DOCK3: variants seen among roughly 807,000 people sequenced by gnomAD.
DOCK3 encodes the protein dedicator of cytokinesis 3.
DOCK3 carries 60 observed loss-of-function variants against 265.6 expected under a neutral mutation model. That is an observed-to-expected ratio of 0.23 (90% CI 0.18 to 0.28). The LOEUF (loss-of-function observed/expected upper bound fraction) is 0.28, where lower values mean the gene tolerates loss of function less well. Among genes scored for constraint, DOCK3 ranks in the 10% least tolerant of loss-of-function variants. The pLI is 1.00. For synonymous variants in DOCK3, 881 were observed against 938.0 expected, an observed-to-expected ratio of 0.94 and a Z score of 1.11; for missense variants, 1,981 against 2,594.3, an observed-to-expected ratio of 0.76 and a Z score of 5.14.
rs1197702938 is a variant in DOCK3, at chr3:50,675,349, C to A, written c.37+49C>A. ...GTGGCGGGGGTTCTGGGGGACGCGCCCAGCTCCCGGCCCCGCCTGGATTCG... is the reference window on the plus strand; with the variant it reads ...GTGGCGGGGGTTCTGGGGGACGCGCACAGCTCCCGGCCCCGCCTGGATTCG... On this transcript the variant is annotated intron_variant, in intron 1 of 52. Coordinates refer to ENST00000266037, the MANE Select transcript of DOCK3 (RefSeq NM_004947.5). The surrounding 1 kb of genome is among the most constrained non-coding windows in gnomAD (Gnocchi z 6.1). 2 of 1,198,826 alleles carry A rather than the reference C, an allele frequency of 1.7e-6. No individual in the cohort carries two copies. The highest frequency in any genetic ancestry group is 4.5e-5 in the Admixed American group (1 of 22,190). The allele number at this position is 1,198,826 out of a possible 1,614,324, so 74.3% of individuals were successfully genotyped here.
At chr3:50,715,083 G>A (rs2037016725) in intron 1 of DOCK3, among the ~76,000 whole-genome samples, 3 of 152,222 alleles carry the variant, frequency 2.0e-5, no homozygotes, top group Non-Finnish European at 2.9e-5. Flanking sequence ...GACAGCATCT[G>A]GGTCTGTCTG....
rs2087972218 is a variant in DOCK3, at chr3:51,374,830, T to C, written c.5412+243T>C. Among the ~76,000 whole-genome samples, 1 of 152,220 alleles carries C rather than the reference T, an allele frequency of 6.6e-6. No homozygotes were observed. The highest frequency in any genetic ancestry group is 1.5e-5 in the Non-Finnish European group (1 of 68,028). Reference sequence around the variant, plus strand: ...CCACCATTGGAACCAGCATTGCTCATGTAGCTATCTGTCCTTCCCGCCAGA... The same window carrying C: ...CCACCATTGGAACCAGCATTGCTCACGTAGCTATCTGTCCTTCCCGCCAGA... On this transcript the variant is annotated intron_variant, in intron 50 of 52. Transcript: ENST00000266037. The surrounding 1 kb of genome is among the most constrained non-coding windows in gnomAD (Gnocchi z 4.8).
At chr3:50,719,268 C>T (rs199543177) in intron 1 of DOCK3, among the ~76,000 whole-genome samples, 3 of 138,700 alleles carry the variant, frequency 2.2e-5, no homozygotes, top group African/African-American at 5.4e-5. Flanking sequence ...TAGATATTTT[C>T]TTTTTTTTTT....
chr3:51,357,734 C>T (rs2086459436), intron 44 of DOCK3, 24 bp from the exon 45 acceptor site: 1 of 1,613,252 alleles, frequency 6.2e-7, no homozygotes, highest in Admixed American at 1.7e-5. Context: ...AAGAGTCTTC[C>T]TGACTTGGCC....
intron 23 of DOCK3, 59 bp from the exon 24 acceptor site, chr3:51,270,756 A>C: frequency 2.0e-6 from 3 of 1,523,574 alleles, no homozygotes; most frequent in Non-Finnish European, 2.7e-6. Flanking sequence ...TTGTCTGAGC[A>C]TGAAAGATAG....
chr3:50,857,932 A>G (rs897606250), intron 3 of DOCK3, among the ~76,000 whole-genome samples: 3 of 152,238 alleles, frequency 2.0e-5, no homozygotes, highest in African/African-American at 7.2e-5. Context: ...TACTGGGTGT[A>G]TACCCAAAGG....
intron 14 of DOCK3, among the ~76,000 whole-genome samples, chr3:51,218,887 G>T (rs2089941229): frequency 6.6e-6 from 1 of 152,130 alleles, no homozygotes. Flanking sequence ...GGACTGTGGT[G>T]GGACCTGGCA....
intron 51 of DOCK3, among the ~76,000 whole-genome samples, chr3:51,376,116 G>A (rs777529729): frequency 9.9e-5 from 15 of 152,172 alleles, no homozygotes; most frequent in Non-Finnish European, 2.1e-4. Flanking sequence ...GCTTCTGTGT[G>A]CAAACTGTAG....
intron 1 of DOCK3, among the ~76,000 whole-genome samples, chr3:50,736,008 G>A (rs889644210): frequency 9.9e-5 from 15 of 152,032 alleles, no homozygotes; most frequent in Admixed American, 3.9e-4. Context: ...CCATTAACTC[G>A]TCATTTACAT....
At chr3:50,775,821 T>C (rs1319638030) in intron 1 of DOCK3, among the ~76,000 whole-genome samples, 1 of 142,876 alleles carries the variant, frequency 7.0e-6, no homozygotes, top group Non-Finnish European at 1.5e-5. Context: ...CTCCCACTTA[T>C]AGATGAGAAC....
chr3:51,106,674 G>T (rs777827219), intron 9 of DOCK3, among the ~76,000 whole-genome samples: 1 of 152,144 alleles, frequency 6.6e-6, no homozygotes, highest in Admixed American at 6.5e-5. Flanking sequence ...CACTGCTGCC[G>T]GCATCAACGC....
intron 1 of DOCK3, among the ~76,000 whole-genome samples, chr3:50,768,007 A>C (rs2041013794): frequency 6.6e-6 from 1 of 152,140 alleles, no homozygotes; most frequent in African/African-American, 2.4e-5. Context: ...AGCTGGAGGA[A>C]ATTTTGGGCT....
chr3:51,185,773 A>T (rs970401690), intron 12 of DOCK3, among the ~76,000 whole-genome samples: 8 of 152,148 alleles, frequency 5.3e-5, no homozygotes, highest in Non-Finnish European at 4.4e-5. Context: ...TGGTTTTAAA[A>T]AAAGGGAACT....
Position 50,698,517 on chromosome 3 carries a change from G to GTTTT in DOCK3, c.37+23239_37+23242dup. Among the ~76,000 whole-genome samples, 135 of 19,506 alleles carry GTTTT rather than the reference G, an allele frequency of 6.9e-3. 26 individuals are homozygous for GTTTT. The highest frequency in any genetic ancestry group is 0.017 in the African/African-American group (113 of 6,698). 12.8% of individuals were successfully genotyped at this position (19,506 alleles called of 152,430 possible). A position where few individuals can be genotyped will look rare whatever the true frequency, so the allele number is the denominator to read the frequency against. On this transcript the variant is annotated intron_variant, in intron 1 of 52. Coordinates refer to ENST00000266037, the MANE Select transcript of DOCK3 (RefSeq NM_004947.5). ...GTTTCTCTGTGGATGTATGTTTTTGGTTTTTTTTTTTTTTTTTTTTTTTTT... is the reference window on the plus strand; with the variant it reads ...GTTTCTCTGTGGATGTATGTTTTTGGTTTTTTTTTTTTTTTTTTTTTTTTTTTTT...
At chr3:50,912,166 C>G (rs2049889570) in intron 4 of DOCK3, among the ~76,000 whole-genome samples, 1 of 152,080 alleles carries the variant, frequency 6.6e-6, no homozygotes, top group African/African-American at 2.4e-5. Context: ...TTATTACTTT[C>G]TCTTTCCTTG....
intron 12 of DOCK3, among the ~76,000 whole-genome samples, chr3:51,191,304 A>G (rs1390845224): frequency 2.0e-5 from 3 of 152,122 alleles, no homozygotes; most frequent in Admixed American, 2.0e-4. Context: ...CACAAATTTC[A>G]GTTGGGAGCT....
At chr3:51,049,829 C>A (rs7644756) in intron 5 of DOCK3, among the ~76,000 whole-genome samples, 57,522 of 143,938 alleles carry the variant, frequency 0.4, 12,007 homozygotes, top group African/African-American at 0.56. Context: ...ACACACACAC[C>A]CCAAAAAAAC....
At chr3:50,728,473 A>G (rs2037975509) in intron 1 of DOCK3, among the ~76,000 whole-genome samples, 1 of 152,196 alleles carries the variant, frequency 6.6e-6, no homozygotes. Flanking sequence ...GAAATCAATT[A>G]AAGAGAAAAT....
At chr3:51,352,268 C>T (rs1167963101) in intron 40 of DOCK3, among the ~76,000 whole-genome samples, 1 of 152,190 alleles carries the variant, frequency 6.6e-6, no homozygotes, top group East Asian at 1.9e-4. Context: ...ACAATTTGTA[C>T]ATCAAAAATG....
Sources: gnomAD v4.1 joint callset for allele counts (sites outside exome capture counted in the v4.1 genomes callset) on GRCh38, gnomAD v4.1.1 for gene constraint, Gnocchi (gnomAD v3.1) non-coding constraint, MANE v1.5 for transcripts, NCBI Gene and HGNC (gene_info 2026-07-23, HGNC 2026-07-21) for gene names.